ELMO1: variants seen among roughly 807,000 people sequenced by gnomAD.
ELMO1 encodes engulfment and cell motility 1.
Under a neutral mutation model 98.9 loss-of-function variants are expected in ELMO1, and 26 were observed. The observed-to-expected ratio is 0.26, with a 90% CI of 0.19 to 0.36. The LOEUF is 0.36. ELMO1 is among the 10% of genes least tolerant of loss of function. The pLI, the probability that ELMO1 is intolerant of heterozygous loss-of-function variation, is 1.00. For missense variants in ELMO1, 627 were observed against 935.2 expected, an observed-to-expected ratio of 0.67 and a Z score of 4.30; for synonymous variants, 346 against 346.0, an observed-to-expected ratio of 1.00 and a Z score of 0.00.
At chr7:36,973,837 G>A (rs1425014513) in intron 16 of ELMO1, among the ~76,000 whole-genome samples, 3 of 152,220 alleles carry the variant, frequency 2.0e-5, no homozygotes, top group Non-Finnish European at 2.9e-5. Flanking sequence ...CGCACTCGGA[G>A]CAGCCGGCCC....
chr7:37,165,043 G>A (rs1789551995), intron 13 of ELMO1, among the ~76,000 whole-genome samples: 1 of 152,044 alleles, frequency 6.6e-6, no homozygotes, highest in African/African-American at 2.4e-5. Flanking sequence ...CCTTGAAGAG[G>A]TCCTTCACAT....
chr7:37,211,287 G>A (rs761172526), intron 13 of ELMO1, 99 bp downstream of exon 13: 32 of 1,547,950 alleles, frequency 2.1e-5, no homozygotes, highest in African/African-American at 1.9e-4. Flanking sequence ...TCCGTAAAGC[G>A]CAAGAGGACC....
intron 4 of ELMO1, among the ~76,000 whole-genome samples, chr7:37,278,113 CT>C (rs36110041): frequency 1.8e-4 from 15 of 85,594 alleles, no homozygotes; most frequent in South Asian, 5.2e-4. Context: ...ATAGCTTTTC[CT>C]TTTTTTTTTT....
intron 6 of ELMO1, among the ~76,000 whole-genome samples, chr7:37,245,459 G>A (rs2130713805): frequency 6.6e-6 from 1 of 152,218 alleles, no homozygotes; most frequent in Admixed American, 6.5e-5. Context: ...AAATCACCAG[G>A]CAAAGACTAA....
At chr7:37,283,254 A>G (rs992765149) in intron 4 of ELMO1, among the ~76,000 whole-genome samples, 4 of 152,204 alleles carry the variant, frequency 2.6e-5, no homozygotes, top group African/African-American at 9.7e-5. Flanking sequence ...TGGAGACGAC[A>G]AACTCGCCTT....
intron 1 of ELMO1, among the ~76,000 whole-genome samples, chr7:37,345,964 G>A (rs1800986163): frequency 6.6e-6 from 1 of 150,908 alleles, no homozygotes; most frequent in Non-Finnish European, 1.5e-5. Flanking sequence ...ACTCCAGCCT[G>A]GGCAACAGAG....
chr7:37,371,800 C>T (rs1802125346), intron 1 of ELMO1, among the ~76,000 whole-genome samples: 1 of 152,190 alleles, frequency 6.6e-6, no homozygotes, highest in African/African-American at 2.4e-5. Flanking sequence ...TCCCTCTTCT[C>T]ACTCATCCCC....
intron 1 of ELMO1, among the ~76,000 whole-genome samples, chr7:37,350,752 G>A (rs372159334): frequency 3.8e-4 from 58 of 152,290 alleles, no homozygotes; most frequent in African/African-American, 1.2e-3. Flanking sequence ...GACCTCGAAA[G>A]AAGTAAGTTA....
At chr7:37,190,499 TTTTA>T (rs1313632637) in intron 13 of ELMO1, among the ~76,000 whole-genome samples, 5 of 152,126 alleles carry the variant, frequency 3.3e-5, no homozygotes, top group African/African-American at 1.2e-4. Context: ...ATGTTATCTT[TTTTA>T]TTTATTTATT....
chr7:37,201,964 C>T (rs547447866), intron 13 of ELMO1, among the ~76,000 whole-genome samples: 80 of 152,324 alleles, frequency 5.3e-4, no homozygotes, highest in Middle Eastern at 3.4e-3. Context: ...TGAGTTCATG[C>T]AGCCTGAACC....
intron 20 of ELMO1, among the ~76,000 whole-genome samples, chr7:36,869,898 C>T (rs565127038): frequency 2.0e-5 from 3 of 152,196 alleles, no homozygotes; most frequent in African/African-American, 7.2e-5. Flanking sequence ...TGAAGGGTAT[C>T]AGGCCTTTAA....
intron 7 of ELMO1, among the ~76,000 whole-genome samples, chr7:37,236,753 A>C (rs1433660042): frequency 3.9e-5 from 6 of 152,206 alleles, no homozygotes. Context: ...CTAAAATTTT[A>C]TTACATTCCA....
Position 36,870,717 on chromosome 7 carries a change from T to C in ELMO1, c.1823-242A>G, listed in dbSNP as rs917767504. Among the ~76,000 whole-genome samples the C allele has an allele frequency of 6.6e-6, 1 of 152,160 alleles. No homozygotes were observed. The highest frequency in any genetic ancestry group is 6.5e-5 in the Admixed American group (1 of 15,286). ...AGAAAGAGCTTGCTTGTAAGCAGAATTTGGTTCAGTGAAACAAAGACCTAA... is the reference window on the plus strand; with the variant it reads ...AGAAAGAGCTTGCTTGTAAGCAGAACTTGGTTCAGTGAAACAAAGACCTAA... On this transcript the variant is annotated intron_variant, in intron 19 of 21. Transcript: ENST00000310758. This position sits in a 1 kb window ranked among gnomAD's most constrained non-coding sequence, Gnocchi z 4.4.
At chr7:37,056,993 A>C (rs941458289) in intron 15 of ELMO1, among the ~76,000 whole-genome samples, 2 of 152,196 alleles carry the variant, frequency 1.3e-5, no homozygotes, top group Non-Finnish European at 2.9e-5. Flanking sequence ...AAAAATGTCC[A>C]ACACAAGATA....
At chr7:37,339,639 C>T (rs978481914) in intron 2 of ELMO1, among the ~76,000 whole-genome samples, 5 of 152,106 alleles carry the variant, frequency 3.3e-5, no homozygotes, top group African/African-American at 1.2e-4. Context: ...CTTGTGCCAA[C>T]TTCTGATTCA....
chr7:37,262,875 A>G (rs1262908148), intron 5 of ELMO1, among the ~76,000 whole-genome samples: 6 of 152,190 alleles, frequency 3.9e-5, no homozygotes, highest in African/African-American at 1.4e-4. Context: ...CAGTAGGTAC[A>G]CCAAGGAACT....
At chr7:37,362,351 T>G (rs558259409) in intron 1 of ELMO1, among the ~76,000 whole-genome samples, 1 of 152,252 alleles carries the variant, frequency 6.6e-6, no homozygotes, top group South Asian at 2.1e-4. Context: ...GCTCAGATGG[T>G]ACAGTTATAA....
chr7:36,877,639 T>C (rs1050067748), intron 19 of ELMO1, among the ~76,000 whole-genome samples: 4 of 152,174 alleles, frequency 2.6e-5, no homozygotes, highest in South Asian at 2.1e-4. Context: ...GGGTCAGGCA[T>C]ATAAGTTACG....
intron 13 of ELMO1, among the ~76,000 whole-genome samples, chr7:37,163,943 C>A (rs1789432995): frequency 6.6e-6 from 1 of 152,234 alleles, no homozygotes; most frequent in Non-Finnish European, 1.5e-5. Flanking sequence ...AACTAGTTTA[C>A]AGTCCCACCA....
Sources: allele counts gnomAD v4.1 joint callset (sites outside exome capture counted in the v4.1 genomes callset), GRCh38; gene constraint gnomAD v4.1.1; non-coding constraint Gnocchi (gnomAD v3.1); transcripts MANE v1.5; gene names NCBI Gene and HGNC (gene_info 2026-07-23, HGNC 2026-07-21).